The following CAB39 variants were observed in gnomAD, a reference collection of about 807,000 sequenced individuals.
The protein encoded by CAB39 is calcium binding protein 39, also known as calcium-binding protein 39.
Under a neutral mutation model 40.0 loss-of-function variants are expected in CAB39, and 8 were observed. The observed-to-expected ratio is 0.20, with a 90% CI of 0.12 to 0.36. CAB39 has a LOEUF of 0.36. Ranked by LOEUF, CAB39 falls within the 10% of genes least tolerant of loss-of-function variation. The pLI, the probability that CAB39 is intolerant of heterozygous loss-of-function variation, is 1.00. For synonymous variants in CAB39, 156 were observed against 141.6 expected (o/e 1.10, Z -0.72); for missense variants, 270 against 401.1 (o/e 0.67, Z 2.79).
At chr2:230,752,537 A>G (rs1219019936) in intron 1 of CAB39, among the ~76,000 whole-genome samples, 1 of 152,208 alleles carries the variant, frequency 6.6e-6, no homozygotes, top group Non-Finnish European at 1.5e-5. Flanking sequence ...CCACTCCTGT[A>G]GGTCCTCGTT....
intron 1 of CAB39, among the ~76,000 whole-genome samples, chr2:230,756,975 G>A (rs1277008564): frequency 6.6e-6 from 1 of 152,212 alleles, no homozygotes; most frequent in Non-Finnish European, 1.5e-5. Context: ...ACAGGCGTGA[G>A]CCACCATGCC....
intron 1 of CAB39, among the ~76,000 whole-genome samples, chr2:230,748,828 AAAAATATAT>A (rs1359393445): frequency 3.5e-3 from 219 of 62,664 alleles, no homozygotes; most frequent in African/African-American, 0.018. Context: ...AAAAAAAAAA[AAAAATATAT>A]ATATATATAT....
At chr2:230,772,487 G>GTTTT in intron 2 of CAB39, among the ~76,000 whole-genome samples, 1 of 142,674 alleles carries the variant, frequency 7.0e-6, no homozygotes, top group Non-Finnish European at 1.5e-5. Flanking sequence ...AGTTTGGCAG[G>GTTTT]TTTTTTTTTT....
intron 5 of CAB39, among the ~76,000 whole-genome samples, chr2:230,801,373 G>A (rs1415699324): frequency 1.3e-5 from 2 of 152,172 alleles, no homozygotes; most frequent in African/African-American, 4.8e-5. Context: ...GGGACACGTT[G>A]CTGCTCCTCT....
At chr2:230,749,561 TATAG>T (rs1695049768) in intron 1 of CAB39, among the ~76,000 whole-genome samples, 1 of 152,256 alleles carries the variant, frequency 6.6e-6, no homozygotes, top group Non-Finnish European at 1.5e-5. Context: ...GCTCTGCATG[TATAG>T]ATAAAGATGG....
intron 8 of CAB39, 34 bp from the exon 9 acceptor site, chr2:230,818,482 T>C (rs1230502072): frequency 1.9e-6 from 3 of 1,593,466 alleles, no homozygotes; most frequent in East Asian, 2.2e-5. Context: ...TTTTGTCCTT[T>C]CTCTGTGCCT....
intron 1 of CAB39, among the ~76,000 whole-genome samples, chr2:230,734,005 T>C (rs555719297): frequency 1.3e-5 from 2 of 152,230 alleles, no homozygotes; most frequent in Admixed American, 6.5e-5. Context: ...AAAGTAGATA[T>C]GCAGAGTATA....
At chr2:230,809,413 C>T (rs1040848308) in intron 5 of CAB39, among the ~76,000 whole-genome samples, 1 of 152,150 alleles carries the variant, frequency 6.6e-6, no homozygotes, top group Admixed American at 6.5e-5. Flanking sequence ...AGCAGTGGTA[C>T]GAAGGACCTC....
chr2:230,761,440 A>G (rs1695289158), intron 2 of CAB39, among the ~76,000 whole-genome samples: 1 of 151,956 alleles, frequency 6.6e-6, no homozygotes, highest in African/African-American at 2.4e-5. Flanking sequence ...TACTGGAACT[A>G]AGGTGGTACC....
chr2:230,798,065 G>A (rs922763572), intron 4 of CAB39, among the ~76,000 whole-genome samples: 4 of 152,102 alleles, frequency 2.6e-5, no homozygotes, highest in Non-Finnish European at 4.4e-5. Context: ...CTCTAATGGC[G>A]GGGAAGGAAG....
chr2:230,739,338 A>T (rs1270178921), intron 1 of CAB39, among the ~76,000 whole-genome samples: 1 of 152,266 alleles, frequency 6.6e-6, no homozygotes, highest in Non-Finnish European at 1.5e-5. Flanking sequence ...ATGATAATTT[A>T]ACTCTTAATT....
At chr2:230,782,365 G>A (rs1695701864) in intron 2 of CAB39, among the ~76,000 whole-genome samples, 1 of 152,102 alleles carries the variant, frequency 6.6e-6, no homozygotes, top group African/African-American at 2.4e-5. Context: ...TAAAATGTGG[G>A]AGGGGGGATG....
At position 230,813,885 on chromosome 2, in the gene CAB39, A is replaced by T. The variant is rs899688051; in HGVS notation, c.628-164A>T. 4 of 533,558 alleles carry T rather than the reference A, an allele frequency of 7.5e-6. No individual in the cohort carries two copies. The African/African-American group carries it at 7.9e-5, about 11-fold the overall frequency. The allele number at this position is 533,558 out of a possible 1,614,324, so 33.1% of individuals were successfully genotyped here. ...CAGAGCAAACATGTCAGAGGAAGAC[A>T]TGAAAGAGAGTGGCAGGGGAGCCAG... On this transcript the variant is annotated intron_variant, in intron 6 of 8. Transcript: ENST00000258418.
chr2:230,802,985 A>G (rs1696119244), intron 5 of CAB39, among the ~76,000 whole-genome samples: 1 of 152,226 alleles, frequency 6.6e-6, no homozygotes, highest in South Asian at 2.1e-4. Context: ...TCCCTGATGA[A>G]CATCAATGCG....
At chr2:230,748,900 A>G (rs2124903168) in intron 1 of CAB39, among the ~76,000 whole-genome samples, 1 of 127,326 alleles carries the variant, frequency 7.9e-6, no homozygotes, top group Admixed American at 9.0e-5. Flanking sequence ...ATCCACACTT[A>G]TTAGCTATGA....
At chr2:230,809,055 G>A (rs1421332039) in intron 5 of CAB39, among the ~76,000 whole-genome samples, 3 of 152,138 alleles carry the variant, frequency 2.0e-5, no homozygotes, top group Non-Finnish European at 4.4e-5. Flanking sequence ...GTGCTTTTGT[G>A]CTGGTGACCA....
chr2:230,745,585 G>A (rs1032143797), intron 1 of CAB39, among the ~76,000 whole-genome samples: 1 of 152,116 alleles, frequency 6.6e-6, no homozygotes, highest in Non-Finnish European at 1.5e-5. Flanking sequence ...GATGAAGCTG[G>A]GGTATGGACC....
At chr2:230,767,158 G>A (rs995468067) in intron 2 of CAB39, among the ~76,000 whole-genome samples, 3 of 152,282 alleles carry the variant, frequency 2.0e-5, no homozygotes, top group Non-Finnish European at 4.4e-5. Context: ...TTTACAGATA[G>A]AAGTTCTACT....
In CAB39 at chr2:230,724,534, A is replaced by C. The variant is rs150179044; in HGVS notation, c.-44+11304A>C. Among the ~76,000 whole-genome samples, 1,254 of 151,888 alleles carry C rather than the reference A, an allele frequency of 8.3e-3. 9 individuals carry two copies. Among genetic ancestry groups the C allele is most frequent in the African/African-American group, 0.024 (994 of 41,424 alleles). On this transcript the variant is annotated intron_variant, in intron 1 of 8. Coordinates refer to ENST00000258418, the MANE Select transcript of CAB39 (RefSeq NM_016289.4). ...CCGCCTCCACTAAAAATACAAAATT[A>C]GCCGGGCATGGTGGCACATGCCTAT...
Sources: allele counts gnomAD v4.1 joint callset (sites outside exome capture counted in the v4.1 genomes callset), GRCh38; gene constraint gnomAD v4.1.1; transcripts MANE v1.5; gene names NCBI Gene and HGNC (gene_info 2026-07-23, HGNC 2026-07-21).